The following NKIRAS1 variants were observed in gnomAD, a reference collection of about 807,000 sequenced individuals.
The protein encoded by NKIRAS1 is NF-kappa-B inhibitor-interacting Ras-like protein 1.
In NKIRAS1, 16 loss-of-function variants were observed where a neutral mutation model predicts 19.8. The observed-to-expected ratio is 0.81, with a 90% confidence interval of 0.55 to 1.23. NKIRAS1 has a LOEUF of 1.23. Among genes scored for constraint, NKIRAS1 ranks in the 50% most tolerant of loss-of-function variants. The pLI is 0.00. For missense variants in NKIRAS1, 184 were observed against 220.0 expected (o/e 0.84, Z 1.04); for synonymous variants, 88 against 79.0 (o/e 1.11, Z -0.61).
chr3:23,914,254 A>C (rs1183788657), intron 1 of NKIRAS1, among the ~76,000 whole-genome samples: 1 of 151,714 alleles, frequency 6.6e-6, no homozygotes, highest in Non-Finnish European at 1.5e-5. Context: ...TTGAAGAGCC[A>C]TCAGAAACAG....
At chr3:23,895,944 C>G (rs1701942153) in intron 4 of NKIRAS1, among the ~76,000 whole-genome samples, 1 of 151,904 alleles carries the variant, frequency 6.6e-6, no homozygotes, top group Non-Finnish European at 1.5e-5. Flanking sequence ...ACCATCCTGG[C>G]TAACACGGTG....
Position 23,893,990 on chromosome 3 carries a change from AAAC to A in NKIRAS1, c.337-656_337-654del, listed in dbSNP as rs544305322. Among the ~76,000 whole-genome samples, 324 of 152,286 alleles carry A rather than the reference AAAC, an allele frequency of 2.1e-3. 1 individual carries two copies. The highest frequency in any genetic ancestry group is 7.2e-3 in the African/African-American group (299 of 41,568). On this transcript the variant is annotated intron_variant, in intron 4 of 4. Coordinates refer to ENST00000425478, the MANE Select transcript of NKIRAS1 (RefSeq NM_020345.4). ...GAGAGATTTGCAACATAGTACTTCA[AAAC>A]AAGACAGCTGGAGCTGTGGGAGTTC...
intron 1 of NKIRAS1, among the ~76,000 whole-genome samples, chr3:23,930,535 A>C (rs1208636332): frequency 6.6e-6 from 1 of 152,200 alleles, no homozygotes; most frequent in Non-Finnish European, 1.5e-5. Context: ...GAAAGGACCC[A>C]CCATTCCCTT....
chr3:23,943,133 G>C (rs1705538624), intron 1 of NKIRAS1, among the ~76,000 whole-genome samples: 1 of 152,180 alleles, frequency 6.6e-6, no homozygotes, highest in Admixed American at 6.5e-5. Context: ...GTATCATACA[G>C]AATACTTTCC....
At chr3:23,941,627 G>T (rs764551541) in intron 1 of NKIRAS1, among the ~76,000 whole-genome samples, 3 of 152,134 alleles carry the variant, frequency 2.0e-5, no homozygotes, top group South Asian at 4.1e-4. Context: ...AATTTCCACC[G>T]CAGCTACAGC....
rs554544597 is a variant in NKIRAS1 at position 23,901,288 on chromosome 3, C to T, written c.95-239G>A. ...CCGCCACCTGGGCTCAAGGGATCCTCCCACCTCAGCCTCCCAAGTAGTCCC... is the reference window on the plus strand; with the variant it reads ...CCGCCACCTGGGCTCAAGGGATCCTTCCACCTCAGCCTCCCAAGTAGTCCC... On this transcript the variant is annotated intron_variant, in intron 3 of 4. Transcript: ENST00000425478. 2.2e-3 allele frequency among the ~76,000 whole-genome samples: 339 copies of T among 151,786 alleles called. 1 individual carries two copies. The highest frequency in any genetic ancestry group is 3.8e-3 in the Non-Finnish European group (258 of 67,948).
At position 23,893,035 on chromosome 3, in the gene NKIRAS1, T is replaced by C. The variant is rs1327003270; in HGVS notation, c.*60A>G. 2 of 1,474,528 alleles carry C rather than the reference T, an allele frequency of 1.4e-6. No homozygotes were observed. The highest frequency in any genetic ancestry group is 2.5e-5 in the Admixed American group (1 of 40,432). 91.3% of individuals were successfully genotyped at this position (1,474,528 alleles called of 1,614,324 possible). ...TATTTTAAATAGTAATATTACTCCA[T>C]GTTCACAGACACTTAAAGGCAATCA... On this transcript the variant is annotated 3_prime_UTR_variant, in exon 5 of 5. Coordinates refer to ENST00000425478, the MANE Select transcript of NKIRAS1 (RefSeq NM_020345.4).
At chr3:23,898,942 T>C (rs915768608) in intron 4 of NKIRAS1, among the ~76,000 whole-genome samples, 3 of 152,108 alleles carry the variant, frequency 2.0e-5, no homozygotes, top group African/African-American at 7.2e-5. Flanking sequence ...GAACTGCACA[T>C]GTGAGGGATC....
In NKIRAS1 at chr3:23,910,866, T is replaced by A. The variant is rs1703629959; in HGVS notation, c.39A>T (p.Leu13Phe). 3 of 1,614,156 alleles carry A rather than the reference T, an allele frequency of 1.9e-6. No homozygotes were observed. The highest frequency in any genetic ancestry group is 2.5e-6 in the Non-Finnish European group (3 of 1,180,014). The change falls in exon 3 of 5, where the codon TTA becomes TTT. Residue 13 changes from leucine to phenylalanine, a missense_variant. By Grantham distance (22) the Leu-to-Phe change is conservative. Coordinates refer to ENST00000425478, the MANE Select transcript of NKIRAS1 (RefSeq NM_020345.4). Reference sequence around the variant, plus strand: ...CCAAAATTGCAGTTTTCCCCACAGATAACAATCCACAAACCACAACCTTGC... The same window carrying A: ...CCAAAATTGCAGTTTTCCCCACAGAAAACAATCCACAAACCACAACCTTGC... ...KGCKVVVCGL[L>F]SVGKTAILEQ...
rs113627130 is a variant in NKIRAS1, at chr3:23,899,471, G to A, written c.336+1337C>T. ...GTTGTTGCTGTTTGTTTTGTTTTTT[G>A]TTTTTTTTCTACCATCTAGCCAGTA... On this transcript the variant is annotated intron_variant, in intron 4 of 4. Transcript: ENST00000425478. Among the ~76,000 whole-genome samples, 1,024 of 151,736 alleles carry A rather than the reference G, an allele frequency of 6.7e-3. 10 individuals are homozygous for A. The highest frequency in any genetic ancestry group is 0.024 in the African/African-American group (985 of 41,398).
At chr3:23,923,716 A>G (rs1705156559) in intron 1 of NKIRAS1, 1 of 152,216 alleles carries the variant, frequency 6.6e-6, no homozygotes, top group Admixed American at 6.5e-5. Context: ...TAAAAATTGT[A>G]TGTATATAAT....
intron 1 of NKIRAS1, among the ~76,000 whole-genome samples, chr3:23,913,793 C>T (rs907404335): frequency 2.6e-5 from 4 of 152,136 alleles, no homozygotes; most frequent in African/African-American, 9.7e-5. Flanking sequence ...TCACATGAAC[C>T]GATCCTGGGG....
At chr3:23,945,289 A>T in intron 1 of NKIRAS1, 1 of 154,930 alleles carries the variant, frequency 6.5e-6, no homozygotes. Context: ...CCTCCCCGTC[A>T]GCCGCCCTCG....
At chr3:23,920,838 CTA>C, upstream of NKIRAS1, 1 of 901,898 alleles carries the variant, frequency 1.1e-6, no homozygotes, top group Non-Finnish European at 1.3e-6. Flanking sequence ...GTCTATTAAA[CTA>C]AAACAAATGG....
At chr3:23,925,973 G>A (rs542015181) in intron 1 of NKIRAS1, among the ~76,000 whole-genome samples, 4 of 152,322 alleles carry the variant, frequency 2.6e-5, no homozygotes, top group African/African-American at 9.6e-5. Flanking sequence ...TGGCTACCAC[G>A]TTGGACAGCA....
At chr3:23,897,453 A>G (rs942204279) in intron 4 of NKIRAS1, among the ~76,000 whole-genome samples, 10 of 152,236 alleles carry the variant, frequency 6.6e-5, no homozygotes, top group African/African-American at 2.2e-4. Flanking sequence ...TTTTAAAACC[A>G]AACATGAAAA....
chr3:23,909,864 G>GT (rs201671440), intron 3 of NKIRAS1, among the ~76,000 whole-genome samples: 23,190 of 134,820 alleles, frequency 0.17, 1,266 homozygotes, highest in Non-Finnish European at 0.19. Context: ...GTTTTTTTTT[G>GT]TTTTTTTTTT....
Position 23,944,029 on chromosome 3 carries a change from G to T in NKIRAS1, c.-140+2294C>A, listed in dbSNP as rs185863419. Among the ~76,000 whole-genome samples the T allele has an allele frequency of 3.2e-4, 48 of 152,314 alleles. No homozygotes were observed. In the East Asian group the frequency reaches 6.6e-3, roughly 21 times the overall value. On this transcript the variant is annotated intron_variant, in intron 1 of 4. Coordinates refer to the NKIRAS1 transcript ENST00000421515. Reference sequence around the variant, plus strand: ...GACCCAAGAAGCACTCTCCTAGTTAGGGAACCAGAGCAGTAGCTGAGGCAA... The same window carrying T: ...GACCCAAGAAGCACTCTCCTAGTTATGGAACCAGAGCAGTAGCTGAGGCAA...
chr3:23,906,380 G>A (rs1703063295), intron 3 of NKIRAS1, among the ~76,000 whole-genome samples: 1 of 152,116 alleles, frequency 6.6e-6, no homozygotes, highest in Non-Finnish European at 1.5e-5. Flanking sequence ...ACAAATACAT[G>A]TTGGCTTCCA....
Sources: gnomAD v4.1 joint callset for allele counts (sites outside exome capture counted in the v4.1 genomes callset) on GRCh38, gnomAD v4.1.1 for gene constraint, MANE v1.5 for transcripts, NCBI Gene and HGNC (gene_info 2026-07-23, HGNC 2026-07-21) for gene names.